The following IMMP2L variants were observed in gnomAD, a reference collection of about 807,000 sequenced individuals.
IMMP2L encodes inner mitochondrial membrane peptidase subunit 2, also known as mitochondrial inner membrane protease subunit 2.
IMMP2L carries 18 observed loss-of-function variants against 19.3 expected under a neutral mutation model. The ratio of observed to expected loss-of-function variants is 0.93; its 90% CI spans 0.64 to 1.38. The LOEUF (loss-of-function observed/expected upper bound fraction) is 1.38. IMMP2L is among the 40% of genes most tolerant of loss of function. The pLI is 0.00. For missense variants in IMMP2L, 233 were observed against 218.2 expected (o/e 1.07, Z -0.43); for synonymous variants, 76 against 73.0 (o/e 1.04, Z -0.21).
At chr7:110,857,975 A>C (rs1222569852) in intron 5 of IMMP2L, among the ~76,000 whole-genome samples, 4 of 152,056 alleles carry the variant, frequency 2.6e-5, no homozygotes, top group Non-Finnish European at 4.4e-5. Context: ...TTTTATTCAT[A>C]ATAACTCCAC....
chr7:111,302,335 A>C (rs1014839438), intron 3 of IMMP2L, among the ~76,000 whole-genome samples: 5 of 152,100 alleles, frequency 3.3e-5, no homozygotes, highest in Non-Finnish European at 7.4e-5. Flanking sequence ...CCTGAACCAA[A>C]ATATAAGTTT....
At chr7:110,820,250 G>A (rs969206668) in intron 5 of IMMP2L, among the ~76,000 whole-genome samples, 1 of 152,020 alleles carries the variant, frequency 6.6e-6, no homozygotes, top group Non-Finnish European at 1.5e-5. Context: ...GTGAAAATAT[G>A]TGAAACTCAA....
chr7:111,217,120 T>TCACACA (rs1385796500), intron 3 of IMMP2L, among the ~76,000 whole-genome samples: 205 of 137,892 alleles, frequency 1.5e-3, no homozygotes, highest in African/African-American at 3.8e-3. Flanking sequence ...TCTCTCTCTC[T>TCACACA]CTCTCTCACA....
intron 3 of IMMP2L, among the ~76,000 whole-genome samples, chr7:111,168,070 A>C (rs932000657): frequency 6.6e-6 from 1 of 151,932 alleles, no homozygotes; most frequent in African/African-American, 2.4e-5. Context: ...AGTCTTAATA[A>C]ATTTCATTAA....
At chr7:111,391,754 G>A in intron 3 of IMMP2L, 1 of 585,272 alleles carries the variant, frequency 1.7e-6, no homozygotes, top group East Asian at 2.8e-5. Flanking sequence ...CAGAAAAATG[G>A]CAAAAAGACA....
intron 3 of IMMP2L, among the ~76,000 whole-genome samples, chr7:111,002,336 G>T (rs1277456539): frequency 6.6e-6 from 1 of 152,104 alleles, no homozygotes; most frequent in East Asian, 1.9e-4. Context: ...AACTGATGAG[G>T]ATGATCAGAA....
At chr7:111,015,262 T>A (rs565550488) in intron 3 of IMMP2L, among the ~76,000 whole-genome samples, 1 of 152,120 alleles carries the variant, frequency 6.6e-6, no homozygotes, top group African/African-American at 2.4e-5. Context: ...AAAACATAGA[T>A]GAACTTTGAA....
At chr7:111,441,617 A>C (rs1244269419) in intron 3 of IMMP2L, among the ~76,000 whole-genome samples, 2 of 151,632 alleles carry the variant, frequency 1.3e-5, no homozygotes, top group Non-Finnish European at 2.9e-5. Context: ...AATATTGTGA[A>C]AATTACCAAT....
intron 3 of IMMP2L, among the ~76,000 whole-genome samples, chr7:111,065,144 C>T (rs1173442818): frequency 1.3e-5 from 2 of 152,168 alleles, no homozygotes; most frequent in African/African-American, 4.8e-5. Context: ...GTATTTCCTT[C>T]TTTTGTTAAA....
At chr7:111,518,454 C>A (rs1359531472) in intron 2 of IMMP2L, among the ~76,000 whole-genome samples, 1 of 151,930 alleles carries the variant, frequency 6.6e-6, no homozygotes, top group Non-Finnish European at 1.5e-5. Context: ...GTGGCTTTTC[C>A]CAGAGTAAAG....
chr7:110,728,371 T>C lies in IMMP2L; in HGVS notation c.409-64650A>G, dbSNP rs535949584. ...AAAATTAGCTGGGCATAGTGGTGTGTGCCTGTAAACCCAGCTACTCGGGAG... is the reference window on the plus strand; with the variant it reads ...AAAATTAGCTGGGCATAGTGGTGTGCGCCTGTAAACCCAGCTACTCGGGAG... On this transcript the variant is annotated intron_variant, in intron 5 of 5. Transcript: ENST00000405709. This position sits in a 1 kb window ranked among gnomAD's most constrained non-coding sequence, Gnocchi z 4.6. 2.0e-5 allele frequency among the ~76,000 whole-genome samples: 3 copies of C among 151,996 alleles called. No individual in the cohort carries two copies. Among genetic ancestry groups the C allele is most frequent in the African/African-American group, 7.2e-5 (3 of 41,442 alleles).
chr7:111,468,650 T>C (rs1016530432), intron 3 of IMMP2L, among the ~76,000 whole-genome samples: 5 of 152,078 alleles, frequency 3.3e-5, no homozygotes, highest in Admixed American at 3.3e-4. Context: ...CCAAATCATG[T>C]TGGAAATAAA....
rs1169782705 is a variant in IMMP2L, at chr7:111,360,113, TCGC to T, written c.239+127122_239+127124del. The stretch of plus-strand genomic sequence containing the variant: ...ATGGTTTTGGTTTCTGATTACAATT[TCGC>T]CATAATGTGATTACAATTTCGCCAT... On this transcript the variant is annotated intron_variant, in intron 3 of 5. Transcript: ENST00000405709. Among the ~76,000 whole-genome samples the T allele has an allele frequency of 1.8e-4, 18 of 101,182 alleles. No individual in the cohort carries two copies. In the South Asian group the frequency reaches 2.5e-3, roughly 14 times the overall value. The allele number at this position is 101,182 out of a possible 152,430, so 66.4% of individuals were successfully genotyped here. A position where few individuals can be genotyped will look rare whatever the true frequency, so the allele number is the denominator to read the frequency against.
intron 3 of IMMP2L, among the ~76,000 whole-genome samples, chr7:111,420,382 T>A (rs1422627587): frequency 6.6e-6 from 1 of 151,810 alleles, no homozygotes; most frequent in Non-Finnish European, 1.5e-5. Context: ...AAAAAAACTA[T>A]CTGTACAATA....
At chr7:110,989,713 T>G (rs1398720126) in intron 3 of IMMP2L, among the ~76,000 whole-genome samples, 2 of 151,202 alleles carry the variant, frequency 1.3e-5, no homozygotes, top group Non-Finnish European at 3.0e-5. Flanking sequence ...GACAAAATTT[T>G]AAAGCTGTTT....
chr7:110,748,333 T>C (rs1797497118), intron 5 of IMMP2L, among the ~76,000 whole-genome samples: 1 of 152,176 alleles, frequency 6.6e-6, no homozygotes, highest in Admixed American at 6.5e-5. Flanking sequence ...CTAAGTAATT[T>C]ATAGATTTAA....
At chr7:110,745,358 C>T (rs566015793) in intron 5 of IMMP2L, among the ~76,000 whole-genome samples, 2 of 152,300 alleles carry the variant, frequency 1.3e-5, no homozygotes, top group Admixed American at 6.5e-5. Flanking sequence ...CTTCCCCAAC[C>T]TAGCAAGGCA....
intron 2 of IMMP2L, chr7:111,492,214 G>A (rs549267373): frequency 5.7e-6 from 1 of 174,668 alleles, no homozygotes; most frequent in East Asian, 1.9e-4. Flanking sequence ...CATTTTAGTG[G>A]AAAGAATTTA....
chr7:111,312,911 T>C (rs1303763461), intron 3 of IMMP2L, among the ~76,000 whole-genome samples: 1 of 151,790 alleles, frequency 6.6e-6, no homozygotes, highest in African/African-American at 2.4e-5. Context: ...TACCAGAAAC[T>C]GATTATACAG....
Sources: allele counts gnomAD v4.1 joint callset (sites outside exome capture counted in the v4.1 genomes callset), GRCh38; gene constraint gnomAD v4.1.1; non-coding constraint Gnocchi (gnomAD v3.1); transcripts MANE v1.5; gene names NCBI Gene and HGNC (gene_info 2026-07-23, HGNC 2026-07-21).